Variants in KLHL1 observed in about 807,000 individuals in gnomAD.
The protein encoded by KLHL1 is kelch-like protein 1.
KLHL1 carries 47 observed loss-of-function variants against 77.7 expected under a neutral mutation model. The observed-to-expected ratio is 0.60, with a 90% CI of 0.48 to 0.77. The LOEUF (loss-of-function observed/expected upper bound fraction) is 0.77, where lower values mean the gene tolerates loss of function less well. Ranked by LOEUF, KLHL1 falls within the 30% of genes least tolerant of loss-of-function variation. KLHL1 has a pLI of 0.00. For synonymous variants in KLHL1, 360 were observed against 325.2 expected (o/e 1.11, Z -1.15); for missense variants, 925 against 910.8 (o/e 1.02, Z -0.20).
At chr13:69,916,579 G>C (rs546073579) in intron 4 of KLHL1, among the ~76,000 whole-genome samples, 1 of 151,802 alleles carries the variant, frequency 6.6e-6, no homozygotes, top group Admixed American at 6.6e-5. Context: ...ATCACATACC[G>C]GGGCCTGTTG....
chr13:69,936,610 A>G (rs1883196015), intron 4 of KLHL1, among the ~76,000 whole-genome samples: 2 of 151,724 alleles, frequency 1.3e-5, no homozygotes, highest in Admixed American at 1.3e-4. Flanking sequence ...AAAAAAAAAA[A>G]ATGAAGATTG....
intron 1 of KLHL1, among the ~76,000 whole-genome samples, chr13:70,004,492 C>T (rs1012288476): frequency 2.7e-5 from 4 of 146,592 alleles, no homozygotes; most frequent in African/African-American, 9.9e-5. Context: ...TTGGAAGATA[C>T]CACAATTACT....
intron 7 of KLHL1, among the ~76,000 whole-genome samples, chr13:69,781,340 G>A (rs1490538991): frequency 1.4e-5 from 2 of 139,776 alleles, no homozygotes; most frequent in Admixed American, 7.4e-5. Context: ...GAATTTTGAG[G>A]TTCATGTTCT....
intron 1 of KLHL1, among the ~76,000 whole-genome samples, chr13:70,075,452 CT>C (rs1887238354): frequency 6.7e-6 from 1 of 148,660 alleles, no homozygotes; most frequent in Non-Finnish European, 1.5e-5. Flanking sequence ...TAAAAAAAAC[CT>C]TTTTGTTAAA....
intron 1 of KLHL1, among the ~76,000 whole-genome samples, chr13:70,039,075 T>TTTTG (rs1491451220): frequency 5.0e-4 from 59 of 118,060 alleles, no homozygotes; most frequent in African/African-American, 2.1e-3. Context: ...TTTTTTTTTT[T>TTTTG]GTAATGGACA....
chr13:69,987,813 C>G (rs1409443205), intron 1 of KLHL1, among the ~76,000 whole-genome samples: 1 of 151,818 alleles, frequency 6.6e-6, no homozygotes, highest in Non-Finnish European at 1.5e-5. Flanking sequence ...GATATTTATA[C>G]ATATATAGGT....
chr13:69,834,475 A>G (rs910995288), intron 6 of KLHL1, among the ~76,000 whole-genome samples: 1 of 152,004 alleles, frequency 6.6e-6, no homozygotes, highest in African/African-American at 2.4e-5. Context: ...CACATCTTCA[A>G]AATATTACAA....
intron 1 of KLHL1, among the ~76,000 whole-genome samples, chr13:69,981,803 C>T (rs1288671010): frequency 4.6e-5 from 7 of 151,312 alleles, no homozygotes; most frequent in African/African-American, 1.7e-4. Context: ...AAAAAAAAAT[C>T]TAAAAAAATT....
chr13:69,796,820 T>C lies in KLHL1; in HGVS notation c.1557A>G (p.Thr519=). Residue 519 remains threonine, a synonymous_variant, in exon 7 of 11, where the codon ACA becomes ACG. Coordinates refer to ENST00000377844, the MANE Select transcript of KLHL1 (RefSeq NM_020866.3). ...GATTGTAACATTCAACAGTGTTCAATGTCTTTAAGCCATCTCGACCTCCAA... is the reference window on the plus strand; with the variant it reads ...GATTGTAACATTCAACAGTGTTCAACGTCTTTAAGCCATCTCGACCTCCAA... The part of the protein sequence containing the change: ...FVIGGRDGLK[T]LNTVECYNPK... 1 of 1,614,194 alleles carries C rather than the reference T, an allele frequency of 6.2e-7. No homozygotes were observed. Among genetic ancestry groups the C allele is most frequent in the South Asian group, 1.1e-5 (1 of 91,088 alleles).
intron 3 of KLHL1, among the ~76,000 whole-genome samples, chr13:69,946,268 A>G (rs754275467): frequency 8.5e-5 from 13 of 152,108 alleles, no homozygotes; most frequent in Non-Finnish European, 1.5e-4. Context: ...TGTGGTGAGT[A>G]TATACATAAG....
At chr13:70,025,760 A>C (rs1465136902) in intron 1 of KLHL1, among the ~76,000 whole-genome samples, 1 of 151,952 alleles carries the variant, frequency 6.6e-6, no homozygotes, top group Non-Finnish European at 1.5e-5. Context: ...ACAGGCATAT[A>C]TATTTTTATA....
At chr13:69,806,063 C>G (rs1370049425) in intron 6 of KLHL1, among the ~76,000 whole-genome samples, 1 of 151,884 alleles carries the variant, frequency 6.6e-6, no homozygotes, top group African/African-American at 2.4e-5. Context: ...CAGAAATAAC[C>G]CTAATACATA....
chr13:69,891,098 G>A (rs570943961), intron 4 of KLHL1, among the ~76,000 whole-genome samples: 2 of 151,898 alleles, frequency 1.3e-5, no homozygotes, highest in African/African-American at 4.8e-5. Flanking sequence ...CTTAATAATG[G>A]CAATATGCAG....
At chr13:70,034,736 T>C (rs955168013) in intron 1 of KLHL1, among the ~76,000 whole-genome samples, 19 of 152,306 alleles carry the variant, frequency 1.2e-4, no homozygotes, top group African/African-American at 4.3e-4. Flanking sequence ...TTATACACCA[T>C]CGTTCTTTTC....
rs67753156 is a variant in KLHL1, at chr13:69,884,936, T to TTTC, written c.1015-2442_1015-2441insGAA. 0.032 allele frequency among the ~76,000 whole-genome samples: 220 copies of TTTC among 6,840 alleles called. 4 individuals are homozygous for TTTC. In the East Asian group the frequency reaches 0.39, roughly 12 times the overall value. The allele number at this position is 6,840 out of a possible 152,430, so 4.5% of individuals were successfully genotyped here. On this transcript the variant is annotated intron_variant, in intron 4 of 10. Coordinates refer to ENST00000377844, the MANE Select transcript of KLHL1 (RefSeq NM_020866.3). Reference sequence around the variant, plus strand: ...ACCACTACAGCACTTTTTCTTTTCTTTTTTTTTTTTTTTTTGAGACGGAGT... The same window carrying TTTC: ...ACCACTACAGCACTTTTTCTTTTCTTTTCTTTTTTTTTTTTTTTGAGACGGAGT...
intron 6 of KLHL1, among the ~76,000 whole-genome samples, chr13:69,816,325 A>G (rs1214336162): frequency 6.6e-6 from 1 of 151,468 alleles, no homozygotes; most frequent in Non-Finnish European, 1.5e-5. Context: ...CAGTAGCACA[A>G]TCTCGGCTCA....
intron 1 of KLHL1, among the ~76,000 whole-genome samples, chr13:70,102,065 T>A (rs182622629): frequency 2.0e-5 from 3 of 152,166 alleles, no homozygotes; most frequent in Admixed American, 2.0e-4. Flanking sequence ...TTCATAGAAG[T>A]ATAGTTTGAG....
intron 7 of KLHL1, among the ~76,000 whole-genome samples, chr13:69,776,327 A>AAAGCAAAGCAAAATG (rs772042449): frequency 1.3e-5 from 2 of 152,312 alleles, no homozygotes; most frequent in Non-Finnish European, 2.9e-5. Flanking sequence ...GAAAATGCAA[A>AAAGCAAAGCAAAATG]AAGCAAAGCA....
At chr13:69,856,701 T>C (rs958678180) in intron 5 of KLHL1, among the ~76,000 whole-genome samples, 1 of 152,120 alleles carries the variant, frequency 6.6e-6, no homozygotes, top group African/African-American at 2.4e-5. Context: ...ACTTAGTGCA[T>C]ATTTCCCTAA....
Sources: allele counts gnomAD v4.1 joint callset (sites outside exome capture counted in the v4.1 genomes callset), GRCh38; gene constraint gnomAD v4.1.1; transcripts MANE v1.5; gene names NCBI Gene and HGNC (gene_info 2026-07-23, HGNC 2026-07-21).